SLC20A2: variants seen among roughly 807,000 people sequenced by gnomAD.
The protein encoded by SLC20A2 is solute carrier family 20 member 2.
A neutral mutation model predicts 61.0 loss-of-function variants in SLC20A2; 30 were observed. The observed-to-expected ratio is 0.49, with a 90% CI of 0.37 to 0.67. The LOEUF (loss-of-function observed/expected upper bound fraction) is 0.67. SLC20A2 is among the 30% of genes least tolerant of loss of function. The probability of loss-of-function intolerance (pLI) is 0.00; values close to 1 mark genes in which losing one functional copy is unlikely to be tolerated. For synonymous variants in SLC20A2, 351 were observed against 353.3 expected (o/e 0.99, Z 0.07); for missense variants, 626 against 866.4 (o/e 0.72, Z 3.48).
chr8:42,538,036 G>A (rs1812817201), intron 1 of SLC20A2: 1 of 152,030 alleles, frequency 6.6e-6, no homozygotes, highest in African/African-American at 2.4e-5. Context: ...ATTGTTGTGA[G>A]GTTCACATTT....
At chr8:42,496,347 A>C (rs1035523764) in intron 1 of SLC20A2, among the ~76,000 whole-genome samples, 1 of 152,246 alleles carries the variant, frequency 6.6e-6, no homozygotes, top group Admixed American at 6.5e-5. Flanking sequence ...AACCGGAGAC[A>C]CTTCTGTCAA....
Position 42,472,106 on chromosome 8 carries a change from C to A in SLC20A2, c.285G>T (p.Met95Ile). Residue 95 changes from methionine to isoleucine, a missense_variant, in exon 2 of 11, where the codon ATG becomes ATT. Met to Ile is a conservative substitution (Grantham distance 10). Transcript: ENST00000520262. The surrounding 1 kb of genome is among the most constrained non-coding windows in gnomAD (Gnocchi z 4.1). ...TATAGAGAAGAGGCTACTCACCAACCATGGCACTAACTTCCCCAGCCATGA... is the reference window on the plus strand; with the variant it reads ...TATAGAGAAGAGGCTACTCACCAACAATGGCACTAACTTCCCCAGCCATGA... ...ETLMAGEVSA[M>I]VGSAVWQLIA... 1 of 1,612,706 alleles carries A rather than the reference C, an allele frequency of 6.2e-7. No individual in the cohort carries two copies. Among genetic ancestry groups the A allele is most frequent in the Non-Finnish European group, 8.5e-7 (1 of 1,179,910 alleles).
intron 1 of SLC20A2, chr8:42,534,840 C>A (rs1021247212): frequency 6.6e-6 from 1 of 152,226 alleles, no homozygotes; most frequent in Admixed American, 6.5e-5. Context: ...TCCCAGTGAA[C>A]TGTTCCTATT....
At chr8:42,523,321 ACT>A (rs1811713138) in intron 1 of SLC20A2, among the ~76,000 whole-genome samples, 1 of 152,114 alleles carries the variant, frequency 6.6e-6, no homozygotes, top group African/African-American at 2.4e-5. Context: ...CAACAGCGAA[ACT>A]CTGTCTCAAA....
chr8:42,418,561 A>G (rs2130908333), intron 10 of SLC20A2, among the ~76,000 whole-genome samples: 1 of 151,710 alleles, frequency 6.6e-6, no homozygotes, highest in African/African-American at 2.4e-5. Flanking sequence ...TAATTTTCAT[A>G]TTTTTTAGTA....
intron 8 of SLC20A2, among the ~76,000 whole-genome samples, chr8:42,431,886 G>A (rs920262998): frequency 2.0e-5 from 3 of 152,144 alleles, no homozygotes; most frequent in African/African-American, 7.2e-5. Context: ...CTACTGCTCA[G>A]AAAAAAATAT....
At chr8:42,434,689 G>C (rs568698604) in intron 8 of SLC20A2, among the ~76,000 whole-genome samples, 4 of 152,336 alleles carry the variant, frequency 2.6e-5, no homozygotes, top group African/African-American at 9.6e-5. Flanking sequence ...CGTGCTGAAT[G>C]CATGGACGCC....
At chr8:42,532,067 T>A (rs1191740965) in intron 1 of SLC20A2, among the ~76,000 whole-genome samples, 2 of 151,832 alleles carry the variant, frequency 1.3e-5, no homozygotes, top group African/African-American at 4.8e-5. Context: ...GACCTTGTGA[T>A]CCACCCAACT....
Position 42,416,527 on chromosome 8 carries a change from G to C in SLC20A2, c.*1276C>G, listed in dbSNP as rs1048112631. 1 of 152,562 alleles carries C rather than the reference G, an allele frequency of 6.6e-6. No homozygotes were observed. Among genetic ancestry groups the C allele is most frequent in the African/African-American group, 2.4e-5 (1 of 41,434 alleles). 9.5% of individuals were successfully genotyped at this position (152,562 alleles called of 1,614,324 possible). A position where few individuals can be genotyped will look rare whatever the true frequency, so the allele number is the denominator to read the frequency against. On this transcript the variant is annotated 3_prime_UTR_variant, in exon 11 of 11. Transcript: ENST00000520262. ...TTAATATGGTTGATTAATGAAAAAT[G>C]ACAATGAAGTACCAAGAAAATGTTT...
At chr8:42,452,574 G>T (rs1165043122) in intron 5 of SLC20A2, among the ~76,000 whole-genome samples, 1 of 150,806 alleles carries the variant, frequency 6.6e-6, no homozygotes, top group Non-Finnish European at 1.5e-5. Flanking sequence ...AGATGGAGGA[G>T]CGGGAAGAGG....
chr8:42,495,250 C>G (rs939817942), intron 1 of SLC20A2, among the ~76,000 whole-genome samples: 2 of 152,264 alleles, frequency 1.3e-5, no homozygotes, highest in Non-Finnish European at 1.5e-5. Flanking sequence ...AAAAGAATGA[C>G]TATTTAGTAA....
At chr8:42,508,385 C>T (rs763262872) in intron 1 of SLC20A2, among the ~76,000 whole-genome samples, 18 of 151,924 alleles carry the variant, frequency 1.2e-4, no homozygotes, top group Non-Finnish European at 2.1e-4. Flanking sequence ...GACGGAGTCT[C>T]GGAGTCTCGC....
intron 3 of SLC20A2, among the ~76,000 whole-genome samples, chr8:42,465,409 T>C (rs1414627154): frequency 6.6e-6 from 1 of 151,546 alleles, no homozygotes; most frequent in Non-Finnish European, 1.5e-5. Flanking sequence ...AAAATTAACC[T>C]GTGGCTGGGC....
chr8:42,514,558 G>GGTC (rs1811212026), intron 1 of SLC20A2, among the ~76,000 whole-genome samples: 1 of 152,132 alleles, frequency 6.6e-6, no homozygotes, highest in African/African-American at 2.4e-5. Context: ...AGGAGTTAGA[G>GGTC]ACCAGCCTGG....
intron 10 of SLC20A2, among the ~76,000 whole-genome samples, chr8:42,421,751 C>T (rs1465754690): frequency 1.3e-5 from 2 of 152,056 alleles, no homozygotes; most frequent in Non-Finnish European, 2.9e-5. Flanking sequence ...TTGTGGTGAG[C>T]TGAGATCATG....
Position 42,472,814 on chromosome 8 carries a change from C to G in SLC20A2, c.-264-160G>C, listed in dbSNP as rs1481056712. Among the ~76,000 whole-genome samples the G allele has an allele frequency of 6.6e-6, 1 of 152,154 alleles. No individual in the cohort carries two copies. The highest frequency in any genetic ancestry group is 1.5e-5 in the Non-Finnish European group (1 of 68,032). ...TCAAGGAAGATTATAATTAGGATAA[C>G]CACCCCCAACCAAAAACACAAAAAA... On this transcript the variant is annotated intron_variant, in intron 1 of 10. Coordinates refer to ENST00000520262, the MANE Select transcript of SLC20A2 (RefSeq NM_001257180.2). The surrounding 1 kb of genome is among the most constrained non-coding windows in gnomAD (Gnocchi z 4.1).
At chr8:42,469,500 A>C (rs1165617798) in intron 2 of SLC20A2, among the ~76,000 whole-genome samples, 1 of 152,208 alleles carries the variant, frequency 6.6e-6, no homozygotes, top group African/African-American at 2.4e-5. Context: ...CTGCAGAAAG[A>C]GTGAGCAGAT....
upstream of SLC20A2, among the ~76,000 whole-genome samples, chr8:42,505,747 C>T (rs879330651): frequency 5.3e-5 from 8 of 151,488 alleles, no homozygotes; most frequent in Non-Finnish European, 1.0e-4. Flanking sequence ...AAAACTTAGC[C>T]GGGCACGGTC....
At position 42,437,267 on chromosome 8, in the gene SLC20A2, C is replaced by A; in HGVS notation, c.1245G>T (p.Lys415Asn). 1 of 1,614,058 alleles carries A rather than the reference C, an allele frequency of 6.2e-7. No individual in the cohort carries two copies. The highest frequency in any genetic ancestry group is 8.5e-7 in the Non-Finnish European group (1 of 1,180,036). ...ADSSAPEDSE[K>N]LVGDTVSYSK... ...AGTAGGACACGGTGTCGCCCACCAGCTTCTCACTGTCCTCTGGGGCCGATG... is the reference window on the plus strand; with the variant it reads ...AGTAGGACACGGTGTCGCCCACCAGATTCTCACTGTCCTCTGGGGCCGATG... The change falls in exon 8 of 11, where the codon AAG becomes AAT. Residue 415 changes from lysine (K) to asparagine (N), a missense_variant. Transcript: ENST00000520262. This position sits in a 1 kb window ranked among gnomAD's most constrained non-coding sequence, Gnocchi z 6.4.
Sources: allele counts gnomAD v4.1 joint callset (sites outside exome capture counted in the v4.1 genomes callset), GRCh38; gene constraint gnomAD v4.1.1; non-coding constraint Gnocchi (gnomAD v3.1); transcripts MANE v1.5; gene names NCBI Gene and HGNC (gene_info 2026-07-23, HGNC 2026-07-21).